GRIP1: variants seen among roughly 807,000 people sequenced by gnomAD.
GRIP1 encodes glutamate receptor-interacting protein 1.
Under a neutral mutation model 129.9 loss-of-function variants are expected in GRIP1, and 45 were observed. The ratio of observed to expected loss-of-function variants is 0.35; its 90% CI spans 0.27 to 0.44. GRIP1 has a LOEUF of 0.44. Among genes scored for constraint, GRIP1 ranks in the 20% least tolerant of loss-of-function variants. The pLI is 1.00. For missense variants in GRIP1, 1,196 were observed against 1,396.8 expected, an observed-to-expected ratio of 0.86 and a Z score of 2.29; for synonymous variants, 530 against 520.8, an observed-to-expected ratio of 1.02 and a Z score of -0.24.
At chr12:66,545,241 G>A (rs2061912429) in intron 2 of GRIP1, among the ~76,000 whole-genome samples, 1 of 152,092 alleles carries the variant, frequency 6.6e-6, no homozygotes, top group Non-Finnish European at 1.5e-5. Context: ...GAATCCCACT[G>A]ATGAAATGAA....
At chr12:66,833,962 G>C (rs1044323453) in intron 1 of GRIP1, among the ~76,000 whole-genome samples, 2 of 152,126 alleles carry the variant, frequency 1.3e-5, no homozygotes, top group African/African-American at 4.8e-5. Context: ...TTGAGGTCAG[G>C]AGTTTGAGAC....
intron 1 of GRIP1, among the ~76,000 whole-genome samples, chr12:66,991,596 G>A (rs77545234): frequency 0.036 from 5,548 of 152,174 alleles, 282 homozygotes; most frequent in African/African-American, 0.12. Context: ...AAAACATAGA[G>A]AAAACTTGGG....
intron 15 of GRIP1, among the ~76,000 whole-genome samples, chr12:66,409,029 G>A (rs73315136): frequency 0.029 from 4,468 of 152,204 alleles, 164 homozygotes; most frequent in East Asian, 0.15. Context: ...AGATTCCTAA[G>A]GTTTTTGACT....
chr12:66,878,075 C>T (rs79801281), intron 1 of GRIP1, among the ~76,000 whole-genome samples: 1,812 of 152,162 alleles, frequency 0.012, 22 homozygotes, highest in Middle Eastern at 0.027. Context: ...ATATGAATGG[C>T]TGTTCTGAAG....
chr12:66,572,464 C>A (rs886751313), intron 2 of GRIP1, among the ~76,000 whole-genome samples: 4 of 152,174 alleles, frequency 2.6e-5, no homozygotes, highest in Admixed American at 2.6e-4. Flanking sequence ...GGGATCAGGG[C>A]AACTCTCAGA....
At chr12:66,920,978 G>A (rs902790714) in intron 1 of GRIP1, among the ~76,000 whole-genome samples, 1 of 152,178 alleles carries the variant, frequency 6.6e-6, no homozygotes. Context: ...CATGTGCCAT[G>A]GCACAACCCA....
chr12:66,746,558 G>T (rs958047479), intron 1 of GRIP1, among the ~76,000 whole-genome samples: 2 of 152,174 alleles, frequency 1.3e-5, no homozygotes, highest in African/African-American at 4.8e-5. Context: ...AAGGCACTAA[G>T]TGGGAACATG....
intron 1 of GRIP1, among the ~76,000 whole-genome samples, chr12:66,787,233 T>C (rs1300021802): frequency 6.6e-6 from 1 of 152,194 alleles, no homozygotes; most frequent in Non-Finnish European, 1.5e-5. Context: ...GTCCTGGGGA[T>C]GTGTTCTACT....
At chr12:66,794,795 T>C (rs1796508557) in intron 1 of GRIP1, among the ~76,000 whole-genome samples, 1 of 152,144 alleles carries the variant, frequency 6.6e-6, no homozygotes, top group African/African-American at 2.4e-5. Context: ...AAAAACACCA[T>C]TACACAGAAG....
chr12:66,738,351 C>T (rs1196127790), intron 1 of GRIP1, among the ~76,000 whole-genome samples: 1 of 151,896 alleles, frequency 6.6e-6, no homozygotes, highest in Non-Finnish European at 1.5e-5. Flanking sequence ...TCCCAAGTAG[C>T]TGGGACCACA....
At chr12:66,677,743 T>A (rs1040480265) in intron 1 of GRIP1, among the ~76,000 whole-genome samples, 2 of 152,210 alleles carry the variant, frequency 1.3e-5, no homozygotes, top group Non-Finnish European at 2.9e-5. Flanking sequence ...CAAGATCTAT[T>A]TCTCATGATT....
chr12:66,439,398 T>C (rs1172817588), intron 13 of GRIP1, among the ~76,000 whole-genome samples: 1 of 152,198 alleles, frequency 6.6e-6, no homozygotes, highest in Non-Finnish European at 1.5e-5. Flanking sequence ...TTCCTTTCTC[T>C]CACTATCCCT....
In GRIP1 at chr12:66,859,260, AAAAAAAACAAAAAAACAAAAAAAC is replaced by A. The variant is rs1165081869; in HGVS notation, c.58+209766_58+209789del. Among the ~76,000 whole-genome samples, 45 of 68,240 alleles carry A rather than the reference AAAAAAAACAAAAAAACAAAAAAAC, an allele frequency of 6.6e-4. 2 individuals carry two copies. The highest frequency in any genetic ancestry group is 1.7e-3 in the African/African-American group (44 of 26,026). 44.8% of individuals were successfully genotyped at this position (68,240 alleles called of 152,430 possible). A position where few individuals can be genotyped will look rare whatever the true frequency, so the allele number is the denominator to read the frequency against. ...ACTAGCATATTCTCCACATTTTCTG[AAAAAAAACAAAAAAACAAAAAAAC>A]AAAAAAACAAAAAAACAAAAAAAAA... On this transcript the variant is annotated intron_variant, in intron 1 of 1. Transcript: ENST00000643019.
intron 1 of GRIP1, among the ~76,000 whole-genome samples, chr12:66,725,404 A>T (rs1245793483): frequency 6.6e-6 from 1 of 152,204 alleles, no homozygotes; most frequent in Non-Finnish European, 1.5e-5. Context: ...TACATCATCT[A>T]GAGCTAATGT....
At chr12:66,615,220 C>G (rs1334681245) in intron 1 of GRIP1, among the ~76,000 whole-genome samples, 4 of 151,728 alleles carry the variant, frequency 2.6e-5, no homozygotes, top group African/African-American at 9.7e-5. Context: ...GTACAGAAAT[C>G]CTATAAAATA....
intron 1 of GRIP1, among the ~76,000 whole-genome samples, chr12:66,819,787 A>C (rs1026054839): frequency 7.9e-5 from 12 of 152,196 alleles, no homozygotes; most frequent in Admixed American, 6.5e-4. Context: ...TCTTGAACCC[A>C]TCAGAGATGT....
rs149861901 is a variant in GRIP1 at position 66,622,529 on chromosome 12, T to C, written c.56-25602A>G. 1.9e-3 allele frequency among the ~76,000 whole-genome samples: 284 copies of C among 152,264 alleles called. 1 individual carries two copies. The highest frequency in any genetic ancestry group is 6.4e-3 in the African/African-American group (268 of 41,570). On this transcript the variant is annotated intron_variant, in intron 1 of 24. Transcript: ENST00000359742. ...TATACCTGTATTAAAACATCTCATATACCCCATGAATACATACTATGTACC... is the reference window on the plus strand; with the variant it reads ...TATACCTGTATTAAAACATCTCATACACCCCATGAATACATACTATGTACC...
chr12:66,980,252 C>T lies in GRIP1; in HGVS notation c.58+88798G>A, dbSNP rs1439347757. ...TGACTAGCATTCTGGAAATTTACTA[C>T]ACTTCAAACAGCAATGACAGCTTAC... On this transcript the variant is annotated intron_variant, in intron 1 of 1. Coordinates refer to the GRIP1 transcript ENST00000643019. Among the ~76,000 whole-genome samples, 3 of 152,314 alleles carry T rather than the reference C, an allele frequency of 2.0e-5. No individual in the cohort carries two copies. The East Asian group carries it at 5.8e-4, about 29-fold the overall frequency.
At chr12:66,903,962 C>G (rs1459343562) in intron 1 of GRIP1, among the ~76,000 whole-genome samples, 1 of 152,218 alleles carries the variant, frequency 6.6e-6, no homozygotes, top group African/African-American at 2.4e-5. Context: ...CTAGACACAG[C>G]AGTGCAGTGT....
Sources: allele counts gnomAD v4.1 joint callset (sites outside exome capture counted in the v4.1 genomes callset), GRCh38; gene constraint gnomAD v4.1.1; transcripts MANE v1.5; gene names NCBI Gene and HGNC (gene_info 2026-07-23, HGNC 2026-07-21).